The following CRYGD variants were observed in gnomAD, a reference collection of about 807,000 sequenced individuals.
The protein encoded by CRYGD is crystallin gamma D.
CRYGD carries 13 observed loss-of-function variants against 11.3 expected under a neutral mutation model. The ratio of observed to expected loss-of-function variants is 1.15; its 90% confidence interval spans 0.75 to 1.83. The LOEUF (loss-of-function observed/expected upper bound fraction) is 1.83, where lower values mean the gene tolerates loss of function less well. Ranked by LOEUF, CRYGD falls within the 40% of genes most tolerant of loss-of-function variation. The pLI is 0.00. For synonymous variants in CRYGD, 77 were observed against 89.5 expected (o/e 0.86, Z 0.79); for missense variants, 231 against 229.9 (o/e 1.00, Z -0.03).
chr2:208,124,075 C>A (rs749177483), intron 2 of CRYGD, 37 bp downstream of exon 2: 3 of 1,611,494 alleles, frequency 1.9e-6, no homozygotes, highest in East Asian at 2.2e-5. Context: ...CAGTGAGTGT[C>A]CTGAGGGCCT....
At position 208,123,557 on chromosome 2, in the gene CRYGD, A is replaced by T. The variant is rs76619308; in HGVS notation, c.252+555T>A. On this transcript the variant is annotated intron_variant, in intron 2 of 2. Coordinates refer to ENST00000264376, the MANE Select transcript of CRYGD (RefSeq NM_006891.4). ...TTGTGAATGCAATGAAGAAAAATGG[A>T]GGAAGAAACATCAGTAAGTCCAAGG... Among the ~76,000 whole-genome samples, 265 of 152,104 alleles carry T rather than the reference A, an allele frequency of 1.7e-3. 8 individuals carry two copies. The East Asian group carries it at 0.048, about 27-fold the overall frequency.
In CRYGD at chr2:208,121,867, A is replaced by G. The variant is rs1559317356; in HGVS notation, c.331T>C (p.Cys111Arg). The change falls in exon 3 of 3, where the codon TGT becomes CGT. Residue 111 changes from cysteine (C) to arginine (R), a missense_variant. Cys to Arg is a radical substitution (Grantham distance 180, BLOSUM62 -3). Coordinates refer to ENST00000264376, the MANE Select transcript of CRYGD (RefSeq NM_006891.4). ...QMIEFTEDCSCLQDRFRFNEI... is the reference protein window; with the variant it reads ...QMIEFTEDCSRLQDRFRFNEI... Reference sequence around the variant, plus strand: ...TTGAAGCGGAAGCGGTCCTGAAGACAGGAGCAGTCCTCAGTGAACTCTATC... The same window carrying G: ...TTGAAGCGGAAGCGGTCCTGAAGACGGGAGCAGTCCTCAGTGAACTCTATC... The G allele has an allele frequency of 6.2e-7, 1 of 1,614,226 alleles. No homozygotes were observed. The highest frequency in any genetic ancestry group is 8.5e-7 in the Non-Finnish European group (1 of 1,180,038).
At chr2:208,123,499 A>G (rs1444630939) in intron 2 of CRYGD, among the ~76,000 whole-genome samples, 2 of 150,838 alleles carry the variant, frequency 1.3e-5, no homozygotes, top group African/African-American at 4.8e-5. Context: ...ATATCTTCAT[A>G]TATTAAAGAA....
intron 1 of CRYGD, 47 bp downstream of exon 1, chr2:208,124,418 C>T: frequency 6.3e-7 from 1 of 1,597,760 alleles, no homozygotes; most frequent in Non-Finnish European, 8.5e-7. Context: ...TCTCTGGCCC[C>T]CGCGATGGAG....
chr2:208,121,946 C>T lies in CRYGD; in HGVS notation c.253-1G>A. 2 of 1,614,126 alleles carry T rather than the reference C, an allele frequency of 1.2e-6. No homozygotes were observed. The highest frequency in any genetic ancestry group is 1.7e-6 in the Non-Finnish European group (2 of 1,180,024). On this transcript the variant is annotated splice_acceptor_variant, in intron 2 of 2. Transcript: ENST00000264376. LOFTEE classifies it high-confidence loss of function. ...AGAGTCTGATCCTGTGAGAGCCAGA[C>T]TGGCGGACCCAGAAATAAAAAGAGA...
At chr2:208,124,008 T>C in intron 2 of CRYGD, 104 bp downstream of exon 2, 1 of 1,534,472 alleles carries the variant, frequency 6.5e-7, no homozygotes, top group African/African-American at 1.4e-5. Flanking sequence ...TTTTGTCCAC[T>C]CTCAGTTATT....
At chr2:208,122,632 G>T (rs962555345) in intron 2 of CRYGD, among the ~76,000 whole-genome samples, 2 of 150,546 alleles carry the variant, frequency 1.3e-5, no homozygotes, top group African/African-American at 4.9e-5. Flanking sequence ...GGAAGCCGAG[G>T]CAGGTGGATC....
At chr2:208,123,302 T>C (rs1402201005) in intron 2 of CRYGD, among the ~76,000 whole-genome samples, 2 of 146,902 alleles carry the variant, frequency 1.4e-5, no homozygotes, top group African/African-American at 4.9e-5. Context: ...AAATATGTAT[T>C]TTAAATATAA....
At chr2:208,122,643 A>G (rs1254967998) in intron 2 of CRYGD, among the ~76,000 whole-genome samples, 9 of 150,674 alleles carry the variant, frequency 6.0e-5, no homozygotes, top group African/African-American at 2.2e-4. Context: ...CAGGTGGATC[A>G]CTTGAGGTCA....
chr2:208,123,926 T>A (rs1195480705), intron 2 of CRYGD, among the ~76,000 whole-genome samples, 186 bp downstream of exon 2: 1 of 152,250 alleles, frequency 6.6e-6, no homozygotes, highest in East Asian at 1.9e-4. Context: ...TAATTGTGAT[T>A]AACTGGTGTC....
Position 208,124,496 on chromosome 2 carries a change from G to A in CRYGD, c.-23C>T. On this transcript the variant is annotated 5_prime_UTR_variant, in exon 1 of 3. Transcript: ENST00000264376. ...CATGGCTGGCTGGGCGCACGGCGGT[G>A]CTGAGCTGGTGGGGCGGCGGCGCTG... 1 of 1,551,578 alleles carries A rather than the reference G, an allele frequency of 6.4e-7. No individual in the cohort carries two copies. Among genetic ancestry groups the A allele is most frequent in the Non-Finnish European group, 8.7e-7 (1 of 1,154,624 alleles).
intron 2 of CRYGD, among the ~76,000 whole-genome samples, chr2:208,122,600 T>C (rs1694885677): frequency 1.3e-5 from 2 of 150,310 alleles, no homozygotes; most frequent in African/African-American, 4.9e-5. Context: ...CAGTGGCTCA[T>C]GCCTGTAGTC....
intron 2 of CRYGD, among the ~76,000 whole-genome samples, chr2:208,123,020 C>T (rs1694899967): frequency 6.7e-6 from 1 of 149,868 alleles, no homozygotes; most frequent in Admixed American, 6.6e-5. Context: ...GATTGCACCA[C>T]TGCACTCCAG....
rs1694930279 is a variant in CRYGD at position 208,124,174 on chromosome 2, C to T, written c.190G>A (p.Ala64Thr). 6.2e-7 allele frequency: 1 copy of T among 1,611,676 alleles called. No homozygotes were observed. The highest frequency in any genetic ancestry group is 2.2e-5 in the East Asian group (1 of 44,876). ...LQYFLRRGDY[A>T]DHQQWMGLSD... ...AGGCCCATCCACTGCTGGTGGTCGG[C>T]ATAGTCGCCGCGGCGCAGGAAGTAC... Residue 64 changes from alanine (A) to threonine (T), a missense_variant, in exon 2 of 3, where the codon GCC (alanine) becomes ACC (threonine). Coordinates refer to ENST00000264376, the MANE Select transcript of CRYGD (RefSeq NM_006891.4).
rs190787014 is a variant in CRYGD at position 208,121,998 on chromosome 2, A to G, written c.253-53T>C. The G allele has an allele frequency of 9.1e-4, 1,464 of 1,611,568 alleles. 2 individuals are homozygous for G. The highest frequency in any genetic ancestry group is 1.0e-3 in the Non-Finnish European group (1,196 of 1,179,978). ...GAAAAGCAAGTGTGAAATGATTCCA[A>G]TGCATTGTTAGGCAGTCCAGCTTGG... On this transcript the variant is annotated intron_variant, in intron 2 of 2. Coordinates refer to ENST00000264376, the MANE Select transcript of CRYGD (RefSeq NM_006891.4).
intron 2 of CRYGD, among the ~76,000 whole-genome samples, chr2:208,122,704 A>C (rs1484469998): frequency 1.3e-5 from 2 of 150,770 alleles, no homozygotes; most frequent in Admixed American, 1.3e-4. Context: ...CTATACTAAA[A>C]ATACAAAAAT....
chr2:208,124,253 G>A lies in CRYGD; in HGVS notation c.111C>T (p.Arg37=), dbSNP rs1270488880. The A allele has an allele frequency of 6.2e-7, 1 of 1,612,312 alleles. No individual in the cohort carries two copies. The highest frequency in any genetic ancestry group is 1.3e-5 in the African/African-American group (1 of 74,902). The part of the protein sequence containing the change: ...QPYLSRCNSA[R]VDSGCWMLYE... ...AGAGCATCCAGCAGCCGCTGTCCAC[G>A]CGCGCCGAGTTGCAGCGGCTCAAGT... Residue 37 remains arginine (R), a synonymous_variant, in exon 2 of 3, where the codon CGC becomes CGT. Coordinates refer to ENST00000264376, the MANE Select transcript of CRYGD (RefSeq NM_006891.4).
chr2:208,123,795 C>A (rs11677829), intron 2 of CRYGD, among the ~76,000 whole-genome samples: 1 of 152,046 alleles, frequency 6.6e-6, no homozygotes, highest in African/African-American at 2.4e-5. Flanking sequence ...AGCATTTATT[C>A]TTCTATTGGG....
Position 208,121,628 on chromosome 2 carries a change from A to G in CRYGD, c.*45T>C. The stretch of plus-strand genomic sequence containing the variant: ...TCAGTGCCAGGAACACACAGAAAAT[A>G]TTTTATTAGTTTCCAAATTAAGAAA... On this transcript the variant is annotated 3_prime_UTR_variant, in exon 3 of 3. Transcript: ENST00000264376. 6.2e-7 allele frequency: 1 copy of G among 1,602,406 alleles called. No individual in the cohort carries two copies. The highest frequency in any genetic ancestry group is 1.1e-5 in the South Asian group (1 of 89,528).
Sources: gnomAD v4.1 joint callset for allele counts (sites outside exome capture counted in the v4.1 genomes callset) on GRCh38, gnomAD v4.1.1 for gene constraint, MANE v1.5 for transcripts, NCBI Gene and HGNC (gene_info 2026-07-23, HGNC 2026-07-21) for gene names.